Variants in SEZ6 observed in about 807,000 individuals in gnomAD.
The protein encoded by SEZ6 is seizure protein 6 homolog.
SEZ6 carries 53 observed loss-of-function variants against 101.0 expected under a neutral mutation model. The ratio of observed to expected loss-of-function variants is 0.52; its 90% CI spans 0.42 to 0.66. SEZ6 has a LOEUF of 0.66. Among genes scored for constraint, SEZ6 ranks in the 30% least tolerant of loss-of-function variants. The pLI is 0.00. For synonymous variants in SEZ6, 488 were observed against 512.2 expected (o/e 0.95, Z 0.64); for missense variants, 1,102 against 1,289.4 (o/e 0.85, Z 2.23).
chr17:28,959,886 T>C lies in SEZ6; in HGVS notation c.1583A>G (p.Gln528Arg). Reference protein sequence around the residue: ...AGMALRYEAFQQGHCYEPFVK... With the variant: ...AGMALRYEAFRQGHCYEPFVK... ...AAAGGGCTCATAGCAATGGCCCTGCTGGAAGGCTGTAAACCACAGGTCCCA... is the reference window on the plus strand; with the variant it reads ...AAAGGGCTCATAGCAATGGCCCTGCCGGAAGGCTGTAAACCACAGGTCCCA... Residue 528 changes from glutamine (Q) to arginine (R), a missense_variant, in exon 8 of 17, where the codon CAG (glutamine) becomes CGG (arginine). Gln to Arg is a conservative substitution (Grantham distance 43). This residue lies in a region of SEZ6 where 556 missense variants were observed against 735.1 expected (regional missense o/e 0.76). Coordinates refer to ENST00000317338, the MANE Select transcript of SEZ6 (RefSeq NM_178860.5). The surrounding 1 kb of genome is among the most constrained non-coding windows in gnomAD (Gnocchi z 4.4). The C allele has an allele frequency of 6.2e-7, 1 of 1,607,486 alleles. No individual in the cohort carries two copies. Among genetic ancestry groups the C allele is most frequent in the African/African-American group, 1.3e-5 (1 of 74,910 alleles).
chr17:28,981,852 C>T lies in SEZ6; in HGVS notation c.243G>A (p.Leu81=), dbSNP rs370968667. The T allele has an allele frequency of 4.3e-5, 69 of 1,613,808 alleles. 1 individual carries two copies. Among genetic ancestry groups the T allele is most frequent in the Admixed American group, 1.2e-4 (7 of 59,992 alleles). The change falls in exon 2 of 17, where the codon CTG becomes CTA. Residue 81 remains leucine, a synonymous_variant. Transcript: ENST00000317338. ...GCCTCAGCTCCTCATCTCCCTTTTC[C>T]AGCCCCTCTTGTAGGAATTCCTCAA... ...PLLEEFLQEG[L]EKGDEELRPA... is the part of the protein sequence containing the mutation.
intron 3 of SEZ6, 98 bp downstream of exon 3, chr17:28,979,581 GC>G (rs1459535350): frequency 6.5e-7 from 1 of 1,535,262 alleles, no homozygotes; most frequent in Non-Finnish European, 8.9e-7. Flanking sequence ...CACAATTGAT[GC>G]CCCTAATCAT....
chr17:28,988,273 G>C (rs2041409925), intron 1 of SEZ6, among the ~76,000 whole-genome samples: 1 of 152,116 alleles, frequency 6.6e-6, no homozygotes, highest in Admixed American at 6.5e-5. Flanking sequence ...TTGACCTCCT[G>C]GGGGCACTTC....
rs756081069 is a variant in SEZ6, at chr17:28,979,692, G to A, written c.846C>T (p.Gly282=). The A allele has an allele frequency of 3.1e-6, 5 of 1,613,910 alleles. No homozygotes were observed. Among genetic ancestry groups the A allele is most frequent in the East Asian group, 4.5e-5 (2 of 44,884 alleles). Residue 282 remains glycine, a synonymous_variant, in exon 3 of 17, where the codon GGC becomes GGT. Coordinates refer to ENST00000317338, the MANE Select transcript of SEZ6 (RefSeq NM_178860.5). ...FFYISVYPGY[G]VEIKVQNISL... ...CCAGATCACTCACCTTGATTTCCAC[G>A]CCATAGCCAGGGTAGACAGAGATGT...
chr17:28,956,782 G>T, intron 13 of SEZ6, 25 bp from the exon 14 acceptor site: 1 of 1,558,600 alleles, frequency 6.4e-7, no homozygotes, highest in East Asian at 2.4e-5. Flanking sequence ...GAGGGCCAAG[G>T]GCAGTGAGTG....
At chr17:28,997,379 C>G (rs1598213760) in intron 1 of SEZ6, among the ~76,000 whole-genome samples, 1 of 152,190 alleles carries the variant, frequency 6.6e-6, no homozygotes, top group East Asian at 1.9e-4. Context: ...GCTGCTGGAC[C>G]AGACATTTCA....
At chr17:28,958,913 C>T in intron 10 of SEZ6, 112 bp downstream of exon 10, 3 of 1,231,848 alleles carry the variant, frequency 2.4e-6, no homozygotes, top group Non-Finnish European at 2.2e-6. Context: ...ATCCCTGGTG[C>T]TTTTCCAGCT....
chr17:28,977,083 C>A (rs2041231284), intron 3 of SEZ6, among the ~76,000 whole-genome samples: 1 of 150,514 alleles, frequency 6.6e-6, no homozygotes, highest in African/African-American at 2.4e-5. Flanking sequence ...ATCCACTCAA[C>A]AAAACTAATT....
chr17:28,982,651 C>T (rs955719941), intron 1 of SEZ6, among the ~76,000 whole-genome samples: 3 of 152,112 alleles, frequency 2.0e-5, no homozygotes, highest in Admixed American at 2.0e-4. Flanking sequence ...TGCATGACTT[C>T]TTTTTTTGTT....
At chr17:28,986,551 G>T (rs2152690562) in intron 1 of SEZ6, among the ~76,000 whole-genome samples, 1 of 152,310 alleles carries the variant, frequency 6.6e-6, no homozygotes, top group South Asian at 2.1e-4. Flanking sequence ...AGGCCCAGGA[G>T]CTTGCCCAGG....
chr17:28,984,812 T>C (rs1306922353), intron 1 of SEZ6, among the ~76,000 whole-genome samples: 1 of 152,122 alleles, frequency 6.6e-6, no homozygotes, highest in Non-Finnish European at 1.5e-5. Flanking sequence ...TTCCCAGGAT[T>C]GTGGCCAGTG....
intron 1 of SEZ6, among the ~76,000 whole-genome samples, chr17:28,990,845 C>T (rs1249656113): frequency 6.6e-6 from 1 of 152,110 alleles, no homozygotes; most frequent in African/African-American, 2.4e-5. Flanking sequence ...ACCCTAGCCT[C>T]CAAATATTCA....
At chr17:28,984,975 T>A (rs149426585) in intron 1 of SEZ6, among the ~76,000 whole-genome samples, 2,612 of 152,268 alleles carry the variant, frequency 0.017, 70 homozygotes, top group African/African-American at 0.059. Flanking sequence ...TCCCAGACCT[T>A]GTATCATTTA....
At chr17:28,992,380 A>G (rs939297297) in intron 1 of SEZ6, among the ~76,000 whole-genome samples, 2 of 151,924 alleles carry the variant, frequency 1.3e-5, no homozygotes, top group African/African-American at 4.8e-5. Flanking sequence ...GTGTGGGCGT[A>G]CGTGTGTGCA....
chr17:28,974,916 C>T (rs970633624), intron 3 of SEZ6, among the ~76,000 whole-genome samples: 3 of 152,154 alleles, frequency 2.0e-5, no homozygotes, highest in Non-Finnish European at 4.4e-5. Context: ...GATTGAATCC[C>T]GGCTCAATCA....
At chr17:28,992,632 G>A (rs1457672316) in intron 1 of SEZ6, among the ~76,000 whole-genome samples, 6 of 152,138 alleles carry the variant, frequency 3.9e-5, no homozygotes, top group Admixed American at 1.3e-4. Context: ...GACCTGACCC[G>A]CCCCAGGGCC....
At chr17:29,006,316 A>G (rs892235754), upstream of SEZ6, 1 of 152,974 alleles carries the variant, frequency 6.5e-6, no homozygotes, top group Non-Finnish European at 1.5e-5. Context: ...CATGAGAAAG[A>G]GCAACACTTT....
rs552604401 is a variant in SEZ6 at position 29,004,176 on chromosome 17, G to A, written c.55+1639C>T. ...GGACTGGCTCCTCTAGTCATGCAGG[G>A]CCCTGATTACTCTCACATTCAGACC... On this transcript the variant is annotated intron_variant, in intron 1 of 16. Coordinates refer to ENST00000317338, the MANE Select transcript of SEZ6 (RefSeq NM_178860.5). Among the ~76,000 whole-genome samples the A allele has an allele frequency of 3.3e-5, 5 of 152,292 alleles. No individual in the cohort carries two copies. The South Asian group carries it at 1.0e-3, about 32-fold the overall frequency.
intron 4 of SEZ6, among the ~76,000 whole-genome samples, chr17:28,966,914 G>A (rs947186074): frequency 1.1e-4 from 16 of 152,166 alleles, no homozygotes; most frequent in African/African-American, 3.9e-4. Flanking sequence ...GAGAATGGTC[G>A]GTAAGTGGCT....
Sources: gnomAD v4.1 joint callset for allele counts (sites outside exome capture counted in the v4.1 genomes callset) on GRCh38, gnomAD v4.1.1 for gene constraint, gnomAD v4.1.1 regional missense constraint, Gnocchi (gnomAD v3.1) non-coding constraint, MANE v1.5 for transcripts, NCBI Gene and HGNC (gene_info 2026-07-23, HGNC 2026-07-21) for gene names.